The following ABCD2 variants were observed in gnomAD, a reference collection of about 807,000 sequenced individuals.
ABCD2 encodes the protein ATP-binding cassette sub-family D member 2.
A neutral mutation model predicts 70.9 loss-of-function variants in ABCD2; 36 were observed. The ratio of observed to expected loss-of-function variants is 0.51; its 90% CI spans 0.39 to 0.67. The LOEUF (loss-of-function observed/expected upper bound fraction) is 0.67. ABCD2 is among the 30% of genes least tolerant of loss of function. The pLI, the probability that ABCD2 is intolerant of heterozygous loss-of-function variation, is 0.00. For synonymous variants in ABCD2, 304 were observed against 306.9 expected (o/e 0.99, Z 0.10); for missense variants, 729 against 890.2 (o/e 0.82, Z 2.30).
chr12:39,535,608 C>A, the ABCD2 span, among the ~76,000 whole-genome samples: 3 of 152,092 alleles, frequency 2.0e-5, no homozygotes, highest in Non-Finnish European at 4.4e-5. Context: ...TTCGAAATAT[C>A]TTAGATAAAT....
chr12:39,607,680 C>T lies in ABCD2; in HGVS notation c.1155G>A (p.Arg385=), dbSNP rs1343269594. The stretch of plus-strand genomic sequence containing the variant: ...TTCGAGCAGTGGTAAAGGCTTCTGT[C>T]CGTTCACTAACCATAACTTGCTTTT... ...DGQKQVMVSE[R]TEAFTTARNL... is the part of the protein sequence containing the mutation. Residue 385 remains arginine, a synonymous_variant, in exon 3 of 10, where the codon CGG becomes CGA. Transcript: ENST00000308666. 6.2e-7 allele frequency: 1 copy of T among 1,613,058 alleles called. No individual in the cohort carries two copies. The highest frequency in any genetic ancestry group is 8.5e-7 in the Non-Finnish European group (1 of 1,179,738).
At chr12:39,544,577 G>T in the ABCD2 span, among the ~76,000 whole-genome samples, 1 of 152,190 alleles carries the variant, frequency 6.6e-6, no homozygotes. Flanking sequence ...GAAGCAAGAT[G>T]GAGTCAGCTA....
At chr12:39,532,004 T>C in the ABCD2 span, among the ~76,000 whole-genome samples, 2 of 152,190 alleles carry the variant, frequency 1.3e-5, no homozygotes, top group South Asian at 2.1e-4. Context: ...TTACAGAGAA[T>C]AGATGGATGG....
At chr12:39,545,623 T>C (rs193005528), downstream of ABCD2, among the ~76,000 whole-genome samples, 15 of 152,290 alleles carry the variant, frequency 9.8e-5, no homozygotes, top group East Asian at 2.9e-3. Context: ...ACAGGCTCTA[T>C]TATTGGTGAA....
chr12:39,607,750 T>C (rs771973478), intron 2 of ABCD2, 36 bp from the exon 3 acceptor site: 2 of 1,328,536 alleles, frequency 1.5e-6, no homozygotes, highest in South Asian at 1.3e-5. Flanking sequence ...CTTGAGTTTT[T>C]TTTTTTTTTT....
intron 9 of ABCD2, among the ~76,000 whole-genome samples, chr12:39,565,857 A>G (rs1941337730): frequency 6.6e-6 from 1 of 152,196 alleles, no homozygotes; most frequent in Admixed American, 6.5e-5. Flanking sequence ...GAATTTTGTT[A>G]GAGGCCTTTT....
rs1941118882 is a variant in ABCD2 at position 39,553,595 on chromosome 12, TGTTAA to T, written c.*312_*316del. On this transcript the variant is annotated 3_prime_UTR_variant, in exon 10 of 10. Coordinates refer to ENST00000308666, the MANE Select transcript of ABCD2 (RefSeq NM_005164.4). ...TCATTTCCAGAATATTGCCCATGTT[TGTTAA>T]GAACTTCAGACACACCACATATACA... 1 of 217,104 alleles carries T rather than the reference TGTTAA, an allele frequency of 4.6e-6. No homozygotes were observed. Among genetic ancestry groups the T allele is most frequent in the South Asian group, 1.2e-4 (1 of 8,520 alleles). 13.4% of individuals were successfully genotyped at this position (217,104 alleles called of 1,614,324 possible). A position where few individuals can be genotyped will look rare whatever the true frequency, so the allele number is the denominator to read the frequency against.
At chr12:39,588,708 A>G (rs1037684755) in intron 6 of ABCD2, among the ~76,000 whole-genome samples, 2 of 152,208 alleles carry the variant, frequency 1.3e-5, no homozygotes, top group Admixed American at 6.5e-5. Context: ...TTATAACCTG[A>G]ATCACATCAC....
downstream of ABCD2, among the ~76,000 whole-genome samples, chr12:39,546,444 G>T (rs1028803270): frequency 1.3e-5 from 2 of 151,990 alleles, no homozygotes; most frequent in East Asian, 3.8e-4. Flanking sequence ...CTACCCCACA[G>T]AGCTTATAGT....
At chr12:39,616,442 GA>G (rs1241448593) in intron 2 of ABCD2, among the ~76,000 whole-genome samples, 1 of 152,072 alleles carries the variant, frequency 6.6e-6, no homozygotes, top group East Asian at 1.9e-4. Context: ...TGCTGCATAA[GA>G]GGTTATCTGT....
intron 6 of ABCD2, among the ~76,000 whole-genome samples, chr12:39,589,140 G>A (rs1052758024): frequency 1.3e-5 from 2 of 152,094 alleles, no homozygotes; most frequent in Non-Finnish European, 2.9e-5. Flanking sequence ...TGTATGCCTG[G>A]AGAGAGAAAG....
intron 8 of ABCD2, among the ~76,000 whole-genome samples, chr12:39,578,918 G>A (rs1941558165): frequency 6.6e-6 from 1 of 151,970 alleles, no homozygotes; most frequent in South Asian, 2.1e-4. Flanking sequence ...CATAGTGATT[G>A]TATAGTCTTC....
the ABCD2 span, among the ~76,000 whole-genome samples, chr12:39,542,163 G>T: frequency 2.0e-5 from 3 of 152,182 alleles, no homozygotes; most frequent in Admixed American, 6.5e-5. Flanking sequence ...AAATATTAAA[G>T]AAATTTTAAA....
intron 6 of ABCD2, 44 bp downstream of exon 6, chr12:39,600,527 A>G (rs752851740): frequency 6.6e-5 from 99 of 1,491,338 alleles, no homozygotes; most frequent in Non-Finnish European, 5.9e-5. Context: ...ACAATTCAAG[A>G]GCAAAAGGAA....
At chr12:39,609,091 G>C (rs1942011431) in intron 2 of ABCD2, among the ~76,000 whole-genome samples, 1 of 146,240 alleles carries the variant, frequency 6.8e-6, no homozygotes, top group South Asian at 2.2e-4. Context: ...GGTCAAGACT[G>C]TGTGTTTTAT....
chr12:39,534,796 AAGAAAGAAAG>A, the ABCD2 span, among the ~76,000 whole-genome samples: 6 of 150,148 alleles, frequency 4.0e-5, no homozygotes, highest in Non-Finnish European at 7.4e-5. Flanking sequence ...GAAAGAAAGA[AAGAAAGAAAG>A]AAAAGAAAGG....
chr12:39,607,548 G>T, intron 3 of ABCD2, 51 bp downstream of exon 3: 1 of 1,445,128 alleles, frequency 6.9e-7, no homozygotes, highest in Non-Finnish European at 9.6e-7. Context: ...CATTTTGCTT[G>T]ATTTTCATAA....
In ABCD2 at chr12:39,619,609, G is replaced by A. The variant is rs773860547; in HGVS notation, c.7C>T (p.His3Tyr). ...CGATCAGCTGCTGCATTTAGCATAT[G>A]TGTCATTTTCCCAGTTACCCAAACC... MTHMLNAAADRVK... is the reference protein window; with the variant it reads MTYMLNAAADRVK... The change falls in exon 1 of 10, where the codon CAT (histidine) becomes TAT (tyrosine). Residue 3 changes from histidine to tyrosine, a missense_variant. Coordinates refer to ENST00000308666, the MANE Select transcript of ABCD2 (RefSeq NM_005164.4). The A allele has an allele frequency of 2.5e-6, 4 of 1,604,760 alleles. No individual in the cohort carries two copies. Among genetic ancestry groups the A allele is most frequent in the Non-Finnish European group, 3.4e-6 (4 of 1,177,898 alleles).
At chr12:39,612,485 A>C (rs1476322202) in intron 2 of ABCD2, among the ~76,000 whole-genome samples, 1 of 152,200 alleles carries the variant, frequency 6.6e-6, no homozygotes, top group Non-Finnish European at 1.5e-5. Context: ...AAGAGTATGT[A>C]TTATATAATA....
Sources: allele counts gnomAD v4.1 joint callset (sites outside exome capture counted in the v4.1 genomes callset), GRCh38; gene constraint gnomAD v4.1.1; transcripts MANE v1.5; gene names NCBI Gene and HGNC (gene_info 2026-07-23, HGNC 2026-07-21).